LRRC3C: variants seen among roughly 807,000 people sequenced by gnomAD.
LRRC3C encodes leucine-rich repeat-containing protein 3C.
A neutral mutation model predicts 14.8 loss-of-function variants in LRRC3C; 11 were observed. That is an observed-to-expected ratio of 0.74 (90% CI 0.47 to 1.23). The LOEUF (loss-of-function observed/expected upper bound fraction) is 1.23, where lower values mean the gene tolerates loss of function less well. Ranked by LOEUF, LRRC3C falls within the 50% of genes most tolerant of loss-of-function variation. LRRC3C has a pLI of 0.00. For synonymous variants in LRRC3C, 149 were observed against 161.5 expected, an observed-to-expected ratio of 0.92 and a Z score of 0.59; for missense variants, 354 against 361.8, an observed-to-expected ratio of 0.98 and a Z score of 0.18.
intron 2 of LRRC3C, chr17:39,939,227 A>G: frequency 3.1e-6 from 1 of 322,584 alleles, no homozygotes; most frequent in South Asian, 1.2e-4. Flanking sequence ...TTGAATCATC[A>G]AGGACTGAGT....
Position 39,944,105 on chromosome 17 carries a change from C to T in LRRC3C, c.199C>T (p.Gln67Ter), listed in dbSNP as rs1289826047. The T allele has an allele frequency of 6.5e-7, 1 of 1,536,124 alleles. No homozygotes were observed. Among genetic ancestry groups the T allele is most frequent in the South Asian group, 1.2e-5 (1 of 84,046 alleles). ...AGGTGAACGGACGTTCCGCTGCAGC[C>T]AGGCAGGCCTCAGTGCTGTGCCCTC... ...EAGERTFRCSQAGLSAVPSGI... is the reference protein window; with the variant it reads ...EAGERTFRCS The change falls in exon 4 of 4, where the codon CAG becomes TAG. Residue 67 changes from glutamine to a stop codon, truncating the protein, a stop_gained. Coordinates refer to ENST00000377924, the MANE Select transcript of LRRC3C (RefSeq NM_001195545.2). LOFTEE classifies it high-confidence loss of function.
At chr17:39,941,626 C>A in intron 3 of LRRC3C, 77 bp downstream of exon 3, 2 of 1,325,626 alleles carry the variant, frequency 1.5e-6, no homozygotes, top group South Asian at 1.3e-5. Flanking sequence ...GGCAGGAGGG[C>A]TTCCAGGTTC....
Position 39,944,569 on chromosome 17 carries a change from C to T in LRRC3C, c.663C>T (p.Thr221=), listed in dbSNP as rs145060487. 19 of 1,531,114 alleles carry T rather than the reference C, an allele frequency of 1.2e-5. No individual in the cohort carries two copies. The highest frequency in any genetic ancestry group is 5.5e-5 in the African/African-American group (4 of 72,936). 94.8% of individuals were successfully genotyped at this position (1,531,114 alleles called of 1,614,324 possible). Residue 221 remains threonine (T), a synonymous_variant, in exon 4 of 4, where the codon ACC becomes ACT. Transcript: ENST00000377924. ...GSGWGGARRS[T]DVALLVTMGG... The stretch of plus-strand genomic sequence containing the variant: ...GGTGGGGTGGGGCCCGGAGGAGCAC[C>T]GATGTGGCCCTGCTGGTCACCATGG...
Position 39,944,142 on chromosome 17 carries a change from A to G in LRRC3C, c.236A>G (p.Asn79Ser), listed in dbSNP as rs1444691145. 10 of 1,536,146 alleles carry G rather than the reference A, an allele frequency of 6.5e-6. No homozygotes were observed. The highest frequency in any genetic ancestry group is 1.2e-5 in the South Asian group (1 of 84,052). ...AGTGCTGTGCCCTCCGGCATCCCCA[A>G]TGACACCCGCAAGCTCTACCTGGAT... The part of the protein sequence containing the change: ...GLSAVPSGIP[N>S]DTRKLYLDAN... The change falls in exon 4 of 4, where the codon AAT (asparagine) becomes AGT (serine). Residue 79 changes from asparagine to serine, a missense_variant. Coordinates refer to ENST00000377924, the MANE Select transcript of LRRC3C (RefSeq NM_001195545.2).
In LRRC3C at chr17:39,944,205, A is replaced by G; in HGVS notation, c.299A>G (p.Gln100Arg). The change falls in exon 4 of 4, where the codon CAG (glutamine) becomes CGG (arginine). Residue 100 changes from glutamine to arginine, a missense_variant. Coordinates refer to ENST00000377924, the MANE Select transcript of LRRC3C (RefSeq NM_001195545.2). ...QLASVPAGAF[Q>R]HLPVLEELDL... ...GCATCGGTGCCTGCTGGTGCCTTCC[A>G]GCACCTGCCTGTCCTGGAGGAGTTG... 1 of 1,536,030 alleles carries G rather than the reference A, an allele frequency of 6.5e-7. No homozygotes were observed. Among genetic ancestry groups the G allele is most frequent in the Non-Finnish European group, 8.7e-7 (1 of 1,146,884 alleles).
intron 3 of LRRC3C, among the ~76,000 whole-genome samples, chr17:39,942,949 G>T (rs1388167708): frequency 1.3e-5 from 2 of 152,200 alleles, no homozygotes; most frequent in Non-Finnish European, 2.9e-5. Flanking sequence ...GAGGAGTTCT[G>T]GGAAGCAGTT....
chr17:39,930,780 C>T (rs1978629059), intron 1 of LRRC3C, among the ~76,000 whole-genome samples: 1 of 145,306 alleles, frequency 6.9e-6, no homozygotes, highest in Non-Finnish European at 1.5e-5. Context: ...AGGTATTCAA[C>T]GATATTAAGG....
intron 2 of LRRC3C, among the ~76,000 whole-genome samples, chr17:39,938,511 A>C (rs1978857860): frequency 6.7e-6 from 1 of 149,510 alleles, no homozygotes; most frequent in African/African-American, 2.5e-5. Flanking sequence ...AGCCTAGGCA[A>C]CAAAGTGAGA....
At chr17:39,934,071 A>C (rs1363239004) in intron 1 of LRRC3C, among the ~76,000 whole-genome samples, 1 of 152,242 alleles carries the variant, frequency 6.6e-6, no homozygotes, top group East Asian at 1.9e-4. Flanking sequence ...CAGCATCGCC[A>C]GCGGGCACTC....
intron 2 of LRRC3C, among the ~76,000 whole-genome samples, chr17:39,936,382 C>T (rs1978795921): frequency 6.6e-6 from 1 of 152,198 alleles, no homozygotes; most frequent in Non-Finnish European, 1.5e-5. Context: ...TTTTCCAGAC[C>T]CATGCCATGT....
rs183944484 is a variant in LRRC3C at position 39,944,692 on chromosome 17, C to T, written c.786C>T (p.Pro262=). 477 of 1,536,000 alleles carry T rather than the reference C, an allele frequency of 3.1e-4. 5 individuals are homozygous for T. In the African/African-American group the frequency reaches 4.9e-3, roughly 16 times the overall value. ...CCCTCAAGCGGGCCCCAGTGCTGCCCGTGCGTTCCGAGGACTCCTCCATCC... is the reference window on the plus strand; with the variant it reads ...CCCTCAAGCGGGCCCCAGTGCTGCCTGTGCGTTCCGAGGACTCCTCCATCC... ...RRSLKRAPVL[P]VRSEDSSILS... is the part of the protein sequence containing the mutation. The change falls in exon 4 of 4, where the codon CCC becomes CCT. Residue 262 remains proline (P), a synonymous_variant. Coordinates refer to ENST00000377924, the MANE Select transcript of LRRC3C (RefSeq NM_001195545.2).
chr17:39,938,092 A>G (rs1327172952), intron 2 of LRRC3C, among the ~76,000 whole-genome samples: 1 of 152,178 alleles, frequency 6.6e-6, no homozygotes, highest in Non-Finnish European at 1.5e-5. Context: ...AGATGGTGCC[A>G]CTGCACTCCA....
chr17:39,935,970 C>A, intron 2 of LRRC3C, 76 bp downstream of exon 2: 2 of 857,264 alleles, frequency 2.3e-6, no homozygotes, highest in Non-Finnish European at 2.8e-6. Flanking sequence ...TTCAGTTATC[C>A]CCCCATCCAG....
chr17:39,944,401 C>T lies in LRRC3C; in HGVS notation c.495C>T (p.Asp165=), dbSNP rs1979026822. The T allele has an allele frequency of 6.6e-7, 1 of 1,508,818 alleles. No homozygotes were observed. Among genetic ancestry groups the T allele is most frequent in the East Asian group, 2.5e-5 (1 of 40,666 alleles). The allele number at this position is 1,508,818 out of a possible 1,614,324, so 93.5% of individuals were successfully genotyped here. A position where few individuals can be genotyped will look rare whatever the true frequency, so the allele number is the denominator to read the frequency against. ...VNLSANPWHC[D]CALQEVLRQV... ...TATCCGCAAACCCATGGCACTGTGA[C>T]TGCGCCCTCCAGGAAGTGCTCCGGC... The change falls in exon 4 of 4, where the codon GAC becomes GAT. Residue 165 remains aspartate, a synonymous_variant. Transcript: ENST00000377924.
At chr17:39,941,700 T>G (rs1598295129) in intron 3 of LRRC3C, among the ~76,000 whole-genome samples, 151 bp downstream of exon 3, 5 of 152,122 alleles carry the variant, frequency 3.3e-5, no homozygotes. Context: ...TATTGGTATG[T>G]GTGGCAGAGA....
intron 1 of LRRC3C, among the ~76,000 whole-genome samples, chr17:39,933,073 A>G (rs1429042298): frequency 2.0e-5 from 3 of 151,660 alleles, no homozygotes; most frequent in Admixed American, 6.6e-5. Flanking sequence ...GAAAGGAAGG[A>G]AGGAAGGAAG....
At chr17:39,933,893 T>C (rs1343199283) in intron 1 of LRRC3C, among the ~76,000 whole-genome samples, 1 of 152,214 alleles carries the variant, frequency 6.6e-6, no homozygotes, top group Non-Finnish European at 1.5e-5. Context: ...ACTGCTTATT[T>C]CATTGACAGT....
chr17:39,942,230 C>T (rs919371118), intron 3 of LRRC3C, among the ~76,000 whole-genome samples: 15 of 152,220 alleles, frequency 9.9e-5, no homozygotes, highest in Non-Finnish European at 1.9e-4. Flanking sequence ...TCAACCCTGG[C>T]GGGTCCTCCC....
At chr17:39,931,730 ACCTCCG>A (rs1174796124) in intron 1 of LRRC3C, among the ~76,000 whole-genome samples, 1 of 143,554 alleles carries the variant, frequency 7.0e-6, no homozygotes, top group Non-Finnish European at 1.5e-5. Flanking sequence ...GCTCACTGCA[ACCTCCG>A]CCTCCCTAGT....
Sources: gnomAD v4.1 joint callset for allele counts (sites outside exome capture counted in the v4.1 genomes callset) on GRCh38, gnomAD v4.1.1 for gene constraint, MANE v1.5 for transcripts, NCBI Gene and HGNC (gene_info 2026-07-23, HGNC 2026-07-21) for gene names.